KDM4C: variants seen among roughly 807,000 people sequenced by gnomAD.
KDM4C encodes the protein lysine demethylase 4C.
In KDM4C, 81 loss-of-function variants were observed where a neutral mutation model predicts 129.3. That is an observed-to-expected ratio of 0.63 (90% CI 0.52 to 0.75). KDM4C has a LOEUF of 0.75. KDM4C is among the 30% of genes least tolerant of loss of function. The pLI is 0.00. For missense variants in KDM4C, 1,457 were observed against 1,304.0 expected, an observed-to-expected ratio of 1.12 and a Z score of -1.81; for synonymous variants, 573 against 456.1, an observed-to-expected ratio of 1.26 and a Z score of -3.26.
chr9:6,908,332 ATGTTACTTAG>A (rs1436712498), intron 8 of KDM4C, among the ~76,000 whole-genome samples: 1 of 152,222 alleles, frequency 6.6e-6, no homozygotes, highest in Non-Finnish European at 1.5e-5. Flanking sequence ...TAATCTCTAC[ATGTTACTTAG>A]TGTAGCTGCT....
chr9:7,110,648 T>C (rs10758829), intron 18 of KDM4C, among the ~76,000 whole-genome samples: 67,908 of 152,020 alleles, frequency 0.45, 15,535 homozygotes, highest in East Asian at 0.75. Context: ...GGGCCTCTGC[T>C]TTTCTGGTCT....
At chr9:7,101,844 A>C (rs1439828528) in intron 17 of KDM4C, among the ~76,000 whole-genome samples, 1 of 152,218 alleles carries the variant, frequency 6.6e-6, no homozygotes, top group Non-Finnish European at 1.5e-5. Flanking sequence ...TTATTCAAAC[A>C]CTGACCTCTA....
intron 1 of KDM4C, among the ~76,000 whole-genome samples, chr9:6,775,408 T>C (rs1285995125): frequency 6.6e-6 from 1 of 152,144 alleles, no homozygotes; most frequent in African/African-American, 2.4e-5. Context: ...CATTTCCTTA[T>C]TTTCTTGTAG....
intron 18 of KDM4C, among the ~76,000 whole-genome samples, chr9:7,122,767 G>T (rs1275725728): frequency 7.0e-6 from 1 of 142,924 alleles, no homozygotes; most frequent in Admixed American, 7.6e-5. Context: ...AAAATGACGT[G>T]TATATTTTTT....
At chr9:6,912,277 T>C (rs1349743137) in intron 8 of KDM4C, among the ~76,000 whole-genome samples, 2 of 152,178 alleles carry the variant, frequency 1.3e-5, no homozygotes, top group South Asian at 2.1e-4. Context: ...CTTGATACCA[T>C]GCAGCTCAGC....
intron 1 of KDM4C, among the ~76,000 whole-genome samples, chr9:6,764,272 A>G (rs986545596): frequency 6.6e-6 from 1 of 152,206 alleles, no homozygotes; most frequent in Non-Finnish European, 1.5e-5. Context: ...AGCATTAGAT[A>G]TATGTAGCAT....
Position 7,001,745 on chromosome 9 carries a change from G to A in KDM4C, c.1787-9953G>A, listed in dbSNP as rs1036903546. Among the ~76,000 whole-genome samples, 20 of 151,262 alleles carry A rather than the reference G, an allele frequency of 1.3e-4. No individual in the cohort carries two copies. The East Asian group carries it at 3.9e-3, about 29-fold the overall frequency. ...CAAAGCTGACATCTTTTTTTTTTTG[G>A]TATGGGGAGCTTCTTTTTCATGTAG... On this transcript the variant is annotated intron_variant, in intron 12 of 21. Transcript: ENST00000381309.
intron 1 of KDM4C, among the ~76,000 whole-genome samples, chr9:6,761,330 C>T (rs989774426): frequency 6.6e-6 from 1 of 151,816 alleles, no homozygotes; most frequent in Non-Finnish European, 1.5e-5. Context: ...GTATTAAGAT[C>T]ATCCTGTTCT....
At chr9:6,793,561 C>T (rs564530119) in intron 2 of KDM4C, among the ~76,000 whole-genome samples, 7 of 143,548 alleles carry the variant, frequency 4.9e-5, no homozygotes, top group African/African-American at 1.8e-4. Context: ...TTTTTTGAGA[C>T]AGAGTTTTGC....
At position 6,887,949 on chromosome 9, in the gene KDM4C, T is replaced by A; in HGVS notation, c.680-11T>A. The A allele has an allele frequency of 6.5e-7, 1 of 1,538,062 alleles. No homozygotes were observed. Among genetic ancestry groups the A allele is most frequent in the Non-Finnish European group, 9.0e-7 (1 of 1,111,032 alleles). On this transcript the variant is annotated splice_polypyrimidine_tract_variant and intron_variant, in intron 6 of 21. Transcript: ENST00000381309. ...GACACAGTGCCACTTACATTTATTG[T>A]TTCTTTTTAGGTTTTTTCCCAAGCA...
At chr9:7,079,980 G>C (rs543695673) in intron 17 of KDM4C, among the ~76,000 whole-genome samples, 1 of 152,176 alleles carries the variant, frequency 6.6e-6, no homozygotes, top group South Asian at 2.1e-4. Context: ...AAAGGTACAG[G>C]CTTTGAGGGC....
intron 12 of KDM4C, among the ~76,000 whole-genome samples, chr9:7,006,335 T>G (rs547580632): frequency 6.6e-6 from 1 of 152,116 alleles, no homozygotes; most frequent in Non-Finnish European, 1.5e-5. Flanking sequence ...TGGGGTTGAG[T>G]CTCTTCCAGG....
At chr9:6,857,423 C>T (rs1040633956) in intron 5 of KDM4C, among the ~76,000 whole-genome samples, 4 of 152,192 alleles carry the variant, frequency 2.6e-5, no homozygotes, top group Non-Finnish European at 5.9e-5. Flanking sequence ...ACAGTGCTAA[C>T]TGGTAGTAAA....
rs573447541 is a variant in KDM4C, at chr9:6,721,579, C to T, written c.49+582C>T. 1.5e-3 allele frequency among the ~76,000 whole-genome samples: 213 copies of T among 139,856 alleles called. 1 individual carries two copies. The highest frequency in any genetic ancestry group is 5.4e-3 in the African/African-American group (199 of 36,656). 91.8% of individuals were successfully genotyped at this position (139,856 alleles called of 152,430 possible). ...GATTACAGGCATGAGCCACCATGCC[C>T]GGCCCTCTTTTTTTTTTTTTTTTTC... On this transcript the variant is annotated intron_variant, in intron 1 of 17. Coordinates refer to the KDM4C transcript ENST00000536108.
rs770769812 is a variant in KDM4C, at chr9:7,015,825, C to T, written c.2183-28C>T. The T allele has an allele frequency of 2.8e-5, 42 of 1,488,486 alleles. No homozygotes were observed. In the East Asian group the frequency reaches 3.6e-4, roughly 13 times the overall value. 92.2% of individuals were successfully genotyped at this position (1,488,486 alleles called of 1,614,324 possible). ...TATTTTAAAGGTGAAAAAGACCTAA[C>T]GCATGGATACATACTATTATTTTAT... is the stretch of plus-strand genomic sequence containing the variant. On this transcript the variant is annotated intron_variant, in intron 14 of 21. Transcript: ENST00000381309.
chr9:6,975,977 G>T (rs1563918511), intron 8 of KDM4C, among the ~76,000 whole-genome samples: 1 of 152,234 alleles, frequency 6.6e-6, no homozygotes, highest in South Asian at 2.1e-4. Flanking sequence ...GGGAGAGGTT[G>T]CAGTGAGCCG....
At chr9:6,937,940 G>C (rs1825124882) in intron 8 of KDM4C, among the ~76,000 whole-genome samples, 1 of 152,084 alleles carries the variant, frequency 6.6e-6, no homozygotes. Flanking sequence ...TCGAACTCCT[G>C]ACCTCAGGTG....
intron 5 of KDM4C, among the ~76,000 whole-genome samples, chr9:6,864,198 A>C (rs1242897057): frequency 6.6e-6 from 1 of 152,132 alleles, no homozygotes; most frequent in African/African-American, 2.4e-5. Context: ...TGGTGATGGC[A>C]AATTCTCTCA....
intron 15 of KDM4C, among the ~76,000 whole-genome samples, chr9:7,018,166 T>C (rs1164320267): frequency 6.6e-6 from 1 of 152,240 alleles, no homozygotes; most frequent in East Asian, 1.9e-4. Context: ...TATAGCCTGC[T>C]ACACACCTAG....
Sources: allele counts gnomAD v4.1 joint callset (sites outside exome capture counted in the v4.1 genomes callset), GRCh38; gene constraint gnomAD v4.1.1; transcripts MANE v1.5; gene names NCBI Gene and HGNC (gene_info 2026-07-23, HGNC 2026-07-21).